RMST: variants seen among roughly 807,000 people sequenced by gnomAD.
The protein encoded by RMST is long intergenic non-protein coding RNA 54.
chr12:97,554,041 G>A (rs1592796753), intron 11 of RMST, among the ~76,000 whole-genome samples: 2 of 142,278 alleles, frequency 1.4e-5, no homozygotes, highest in South Asian at 2.3e-4. Context: ...TGCAACCTCC[G>A]CCTCCCGGGT....
intron 10 of RMST, among the ~76,000 whole-genome samples, chr12:97,528,898 C>G (rs1881375617): frequency 6.6e-6 from 1 of 152,088 alleles, no homozygotes; most frequent in African/African-American, 2.4e-5. Context: ...TAGGGCATCA[C>G]TGAAAGTCAT....
At chr12:97,544,493 G>A (rs992498853) in intron 11 of RMST, among the ~76,000 whole-genome samples, 2 of 151,992 alleles carry the variant, frequency 1.3e-5, no homozygotes, top group Non-Finnish European at 2.9e-5. Context: ...AGAGTGGACA[G>A]TACGTTCAAT....
intron 10 of RMST, among the ~76,000 whole-genome samples, chr12:97,513,839 G>A (rs532245421): frequency 6.6e-6 from 1 of 152,230 alleles, no homozygotes; most frequent in African/African-American, 2.4e-5. Context: ...ATGGGTGAAG[G>A]AACTGTATAG....
At chr12:97,508,663 G>T (rs570260646) in intron 10 of RMST, among the ~76,000 whole-genome samples, 27 of 152,238 alleles carry the variant, frequency 1.8e-4, no homozygotes, top group Admixed American at 1.2e-3. Flanking sequence ...TAACTTTTTT[G>T]TTGTTGTTGT....
intron 11 of RMST, among the ~76,000 whole-genome samples, chr12:97,537,415 G>C (rs983968287): frequency 6.6e-6 from 1 of 151,332 alleles, no homozygotes; most frequent in African/African-American, 2.4e-5. Context: ...ATTTTACTCT[G>C]TCTGCATGAT....
At chr12:97,475,338 G>A (rs1472288759) in intron 5 of RMST, among the ~76,000 whole-genome samples, 4 of 152,144 alleles carry the variant, frequency 2.6e-5, no homozygotes, top group Admixed American at 1.3e-4. Flanking sequence ...AGGCATCTAT[G>A]TCTGATGGCA....
chr12:97,538,928 A>G (rs1882299160), intron 11 of RMST, among the ~76,000 whole-genome samples: 1 of 151,466 alleles, frequency 6.6e-6, no homozygotes, highest in Non-Finnish European at 1.5e-5. Context: ...AAATGTTGAC[A>G]TACTGTTAAC....
intron 10 of RMST, among the ~76,000 whole-genome samples, chr12:97,502,332 C>T (rs1211273865): frequency 1.3e-5 from 2 of 152,156 alleles, no homozygotes; most frequent in African/African-American, 4.8e-5. Flanking sequence ...CACACTTATG[C>T]ACCAGGTCCT....
chr12:97,492,283 C>T (rs1230846159), intron 5 of RMST, among the ~76,000 whole-genome samples: 1 of 152,152 alleles, frequency 6.6e-6, no homozygotes, highest in African/African-American at 2.4e-5. Context: ...ACTAAACCTG[C>T]CAGAGTGTAA....
intron 10 of RMST, among the ~76,000 whole-genome samples, chr12:97,509,303 T>C (rs1426736010): frequency 6.6e-6 from 1 of 152,222 alleles, no homozygotes; most frequent in Non-Finnish European, 1.5e-5. Context: ...TAATTTACTG[T>C]TATTGAAATT....
intron 5 of RMST, among the ~76,000 whole-genome samples, chr12:97,487,288 A>G (rs930432513): frequency 2.0e-5 from 3 of 152,228 alleles, no homozygotes; most frequent in African/African-American, 7.2e-5. Flanking sequence ...CAGCAGGTCT[A>G]TGGAGTAGCC....
chr12:97,506,747 A>C lies in RMST; in HGVS notation n.1340+10691A>C, dbSNP rs543417024. ...CACCCAGGGTGGAGTGCAATGGCGCAATCTCCGCTCACTGCAACCTCTGCC... is the reference window on the plus strand; with the variant it reads ...CACCCAGGGTGGAGTGCAATGGCGCCATCTCCGCTCACTGCAACCTCTGCC... On this transcript the variant is annotated intron_variant and non_coding_transcript_variant, in intron 10 of 13. Transcript: ENST00000640149. Among the ~76,000 whole-genome samples the C allele has an allele frequency of 5.0e-5, 7 of 139,526 alleles. No homozygotes were observed. In the South Asian group the frequency reaches 1.6e-3, roughly 31 times the overall value. 91.5% of individuals were successfully genotyped at this position (139,526 alleles called of 152,430 possible).
At chr12:97,514,582 A>G (rs1167906154) in intron 10 of RMST, among the ~76,000 whole-genome samples, 4 of 152,066 alleles carry the variant, frequency 2.6e-5, no homozygotes, top group Admixed American at 1.3e-4. Context: ...CTGGATTTCG[A>G]TTAGTTCATT....
intron 10 of RMST, among the ~76,000 whole-genome samples, chr12:97,503,716 G>C (rs568312056): frequency 2.0e-5 from 3 of 152,188 alleles, no homozygotes; most frequent in Non-Finnish European, 2.9e-5. Context: ...CAGCTAAAGT[G>C]TGAAGGGAGC....
chr12:97,489,060 TTAAG>T (rs1565921114), intron 5 of RMST, among the ~76,000 whole-genome samples: 1 of 152,226 alleles, frequency 6.6e-6, no homozygotes, highest in Non-Finnish European at 1.5e-5. Context: ...TCAATTTGAC[TTAAG>T]TAACTCTGTT....
At chr12:97,468,472 T>C (rs17026998) in intron 5 of RMST, among the ~76,000 whole-genome samples, 30,700 of 151,952 alleles carry the variant, frequency 0.2, 3,634 homozygotes, top group East Asian at 0.48. Flanking sequence ...ATCTCTAAGC[T>C]GTTCATTCAT....
At chr12:97,553,282 C>T (rs1348571249) in intron 11 of RMST, among the ~76,000 whole-genome samples, 1 of 152,136 alleles carries the variant, frequency 6.6e-6, no homozygotes, top group Non-Finnish European at 1.5e-5. Flanking sequence ...ATTCATTGAA[C>T]TAACACATTT....
At chr12:97,559,274 T>A (rs1883940348) in intron 11 of RMST, among the ~76,000 whole-genome samples, 1 of 152,200 alleles carries the variant, frequency 6.6e-6, no homozygotes, top group African/African-American at 2.4e-5. Context: ...AGTAAATTGT[T>A]CTGAAACTAT....
At chr12:97,542,947 C>T (rs146908148) in intron 11 of RMST, among the ~76,000 whole-genome samples, 2 of 152,048 alleles carry the variant, frequency 1.3e-5, no homozygotes, top group Non-Finnish European at 2.9e-5. Context: ...ACAGTGTTCA[C>T]TTGAGGTCTG....
Sources: gnomAD v4.1 joint callset for allele counts (sites outside exome capture counted in the v4.1 genomes callset) on GRCh38, gnomAD v4.1.1 for gene constraint, MANE v1.5 for transcripts, NCBI Gene and HGNC (gene_info 2026-07-23, HGNC 2026-07-21) for gene names.